SLCO1B1: variants seen among roughly 807,000 people sequenced by gnomAD.
The protein encoded by SLCO1B1 is solute carrier organic anion transporter family member 1B1, also known as OATP-2.
In SLCO1B1, 81 loss-of-function variants were observed where a neutral mutation model predicts 70.1. The ratio of observed to expected loss-of-function variants is 1.16; its 90% CI spans 0.97 to 1.39. The LOEUF (loss-of-function observed/expected upper bound fraction) is 1.39. Ranked by LOEUF, SLCO1B1 falls within the 40% of genes most tolerant of loss-of-function variation. The pLI, the probability that SLCO1B1 is intolerant of heterozygous loss-of-function variation, is 0.00. For missense variants in SLCO1B1, 895 were observed against 799.6 expected (o/e 1.12, Z -1.44); for synonymous variants, 283 against 271.5 (o/e 1.04, Z -0.42).
chr12:21,215,387 A>G (rs1201658892), intron 11 of SLCO1B1, among the ~76,000 whole-genome samples: 3 of 152,318 alleles, frequency 2.0e-5, no homozygotes, highest in South Asian at 2.1e-4. Context: ...TTTATCATAA[A>G]AGGATGGTGG....
At chr12:21,158,237 A>G (rs757204906) in intron 2 of SLCO1B1, among the ~76,000 whole-genome samples, 23 of 152,206 alleles carry the variant, frequency 1.5e-4, no homozygotes, top group Non-Finnish European at 2.8e-4. Flanking sequence ...TAATATGTTG[A>G]CGTCATTAGC....
rs1205315610 is a variant in SLCO1B1 at position 21,232,449 on chromosome 12, C to T, written c.1866-6530C>T. Among the ~76,000 whole-genome samples the T allele has an allele frequency of 3.3e-5, 5 of 152,086 alleles. No individual in the cohort carries two copies. The East Asian group carries it at 9.7e-4, about 29-fold the overall frequency. The stretch of plus-strand genomic sequence containing the variant: ...ACATAAAACAAGATGAGAGGGAAAC[C>T]TCATCCAGTATAGGTTTCAGGAACA... On this transcript the variant is annotated intron_variant, in intron 14 of 14. Coordinates refer to ENST00000256958, the MANE Select transcript of SLCO1B1 (RefSeq NM_006446.5).
At chr12:21,192,530 C>G (rs530092183) in intron 7 of SLCO1B1, among the ~76,000 whole-genome samples, 108 of 151,796 alleles carry the variant, frequency 7.1e-4, no homozygotes, top group Non-Finnish European at 1.4e-3. Context: ...TCAAAAAGAT[C>G]AACACTTAGT....
intron 1 of SLCO1B1, among the ~76,000 whole-genome samples, chr12:21,137,513 A>C (rs1459513408): frequency 6.6e-6 from 1 of 152,100 alleles, no homozygotes; most frequent in East Asian, 1.9e-4. Context: ...TTGTTTACCT[A>C]ATCAAACAAC....
At chr12:21,236,137 C>A (rs1298848227) in intron 14 of SLCO1B1, among the ~76,000 whole-genome samples, 1 of 152,014 alleles carries the variant, frequency 6.6e-6, no homozygotes. Context: ...GGGAAATTAC[C>A]CTCTATCCAG....
intron 10 of SLCO1B1, among the ~76,000 whole-genome samples, chr12:21,205,166 AT>A (rs370324337): frequency 0.017 from 2,512 of 152,032 alleles, 66 homozygotes; most frequent in African/African-American, 0.057. Flanking sequence ...AAAGAAAATA[AT>A]TTTTTAAATG....
chr12:21,138,156 C>T (rs1228778451), intron 1 of SLCO1B1, among the ~76,000 whole-genome samples: 2 of 152,108 alleles, frequency 1.3e-5, no homozygotes, highest in East Asian at 3.8e-4. Flanking sequence ...GCTGTTTTTC[C>T]TTTTTGCTCC....
At chr12:21,214,828 A>C (rs1941338518) in intron 11 of SLCO1B1, among the ~76,000 whole-genome samples, 1 of 152,118 alleles carries the variant, frequency 6.6e-6, no homozygotes, top group Non-Finnish European at 1.5e-5. Flanking sequence ...CCGATTTTCC[A>C]GGTGCTGTCC....
chr12:21,152,414 T>A (rs1035073866), intron 2 of SLCO1B1, among the ~76,000 whole-genome samples: 2 of 151,688 alleles, frequency 1.3e-5, no homozygotes, highest in Non-Finnish European at 2.9e-5. Context: ...ATATATATTT[T>A]TTTTCTTTTA....
intron 7 of SLCO1B1, among the ~76,000 whole-genome samples, chr12:21,194,888 C>T (rs1481585301): frequency 1.3e-5 from 2 of 152,210 alleles, no homozygotes; most frequent in Non-Finnish European, 2.9e-5. Flanking sequence ...GCTTTTACTC[C>T]TGGCAGAAGT....
Position 21,228,023 on chromosome 12 carries a change from T to C in SLCO1B1, c.1865+3184T>C, listed in dbSNP as rs151066883. On this transcript the variant is annotated intron_variant, in intron 14 of 14. Coordinates refer to ENST00000256958, the MANE Select transcript of SLCO1B1 (RefSeq NM_006446.5). ...TATATATATTTAATATGCATATATA[T>C]GCATATATAAGACAGACATATTATA... Among the ~76,000 whole-genome samples, 514 of 152,198 alleles carry C rather than the reference T, an allele frequency of 3.4e-3. 5 individuals carry two copies. The highest frequency in any genetic ancestry group is 0.011 in the African/African-American group (475 of 41,580).
At chr12:21,156,717 C>T (rs1940548851) in intron 2 of SLCO1B1, among the ~76,000 whole-genome samples, 1 of 152,126 alleles carries the variant, frequency 6.6e-6, no homozygotes, top group Non-Finnish European at 1.5e-5. Flanking sequence ...AAATTTATAT[C>T]TTGAGCTGGG....
intron 2 of SLCO1B1, among the ~76,000 whole-genome samples, chr12:21,156,864 G>T (rs1217095811): frequency 6.6e-6 from 1 of 152,000 alleles, no homozygotes; most frequent in East Asian, 1.9e-4. Flanking sequence ...CCTGCTCTTC[G>T]CCTAGTGCTA....
intron 7 of SLCO1B1, among the ~76,000 whole-genome samples, chr12:21,192,605 T>C (rs1941044108): frequency 6.6e-6 from 1 of 151,946 alleles, no homozygotes; most frequent in African/African-American, 2.4e-5. Context: ...TCTTCTCTAA[T>C]CTTTTTTTCT....
intron 7 of SLCO1B1, among the ~76,000 whole-genome samples, chr12:21,192,984 A>G (rs1367991301): frequency 2.6e-5 from 4 of 152,014 alleles, no homozygotes; most frequent in Admixed American, 6.6e-5. Flanking sequence ...AAAGTTTGTT[A>G]GTATCCATAT....
intron 8 of SLCO1B1, among the ~76,000 whole-genome samples, chr12:21,198,448 T>C (rs747070638): frequency 2.6e-5 from 4 of 152,078 alleles, no homozygotes; most frequent in Non-Finnish European, 4.4e-5. Flanking sequence ...AATCAAATCT[T>C]TAAAAAATAG....
chr12:21,189,892 A>T (rs1314874362), intron 7 of SLCO1B1, among the ~76,000 whole-genome samples: 1 of 152,230 alleles, frequency 6.6e-6, no homozygotes, highest in African/African-American at 2.4e-5. Flanking sequence ...CTCTCTCAGC[A>T]TATTTCAAAA....
At chr12:21,157,767 A>AT (rs1940561318) in intron 2 of SLCO1B1, among the ~76,000 whole-genome samples, 1 of 151,636 alleles carries the variant, frequency 6.6e-6, no homozygotes, top group Non-Finnish European at 1.5e-5. Context: ...ACGCCCACTA[A>AT]TTTTTTGTAT....
intron 14 of SLCO1B1, among the ~76,000 whole-genome samples, chr12:21,229,937 T>C (rs1421606797): frequency 6.6e-6 from 1 of 152,196 alleles, no homozygotes; most frequent in Non-Finnish European, 1.5e-5. Context: ...TTTTGACTTG[T>C]TCCTGACCTT....
Sources: gnomAD v4.1 joint callset for allele counts (sites outside exome capture counted in the v4.1 genomes callset) on GRCh38, gnomAD v4.1.1 for gene constraint, MANE v1.5 for transcripts, NCBI Gene and HGNC (gene_info 2026-07-23, HGNC 2026-07-21) for gene names.